Variants in AGTPBP1 observed in about 807,000 individuals in gnomAD.
The protein encoded by AGTPBP1 is cytosolic carboxypeptidase 1.
In AGTPBP1, 70 loss-of-function variants were observed where a neutral mutation model predicts 143.9. The ratio of observed to expected loss-of-function variants is 0.49; its 90% CI spans 0.40 to 0.59. The LOEUF (loss-of-function observed/expected upper bound fraction) is 0.59. AGTPBP1 is among the 20% of genes least tolerant of loss of function. AGTPBP1 has a pLI of 0.00. For missense variants in AGTPBP1, 1,229 were observed against 1,464.5 expected (o/e 0.84, Z 2.62); for synonymous variants, 463 against 500.2 (o/e 0.93, Z 0.99).
At chr9:85,679,884 G>C (rs1835062458) in intron 4 of AGTPBP1, among the ~76,000 whole-genome samples, 1 of 151,928 alleles carries the variant, frequency 6.6e-6, no homozygotes, top group African/African-American at 2.4e-5. Context: ...TTTGTTGTAA[G>C]ATTATTTTAA....
At chr9:85,779,242 GATATCTATATAA>G in the AGTPBP1 span, among the ~76,000 whole-genome samples, 1 of 117,842 alleles carries the variant, frequency 8.5e-6, no homozygotes, top group Non-Finnish European at 1.8e-5. Flanking sequence ...TATAGATATA[GATATCTATATAA>G]ATATAAATAT....
intron 1 of AGTPBP1, among the ~76,000 whole-genome samples, chr9:85,725,849 C>G (rs1219052464): frequency 6.6e-6 from 1 of 151,752 alleles, no homozygotes; most frequent in South Asian, 2.1e-4. Context: ...AGTTCGAGAC[C>G]AGCCTGGCCA....
the AGTPBP1 span, among the ~76,000 whole-genome samples, chr9:85,752,633 C>T: frequency 6.6e-6 from 1 of 152,138 alleles, no homozygotes; most frequent in Non-Finnish European, 1.5e-5. Context: ...ATGCTAATTA[C>T]CCTGGTCTGA....
At chr9:85,568,561 C>A (rs774778712) in intron 25 of AGTPBP1, among the ~76,000 whole-genome samples, 16 of 151,956 alleles carry the variant, frequency 1.1e-4, no homozygotes, top group Non-Finnish European at 5.9e-5. Context: ...CCTGGGACAC[C>A]GATAATGGTT....
At chr9:85,756,268 C>T in the AGTPBP1 span, 1 of 1,548,856 alleles carries the variant, frequency 6.5e-7, no homozygotes, top group Admixed American at 2.1e-5. Context: ...GTTTAATACA[C>T]TACTTGATTC....
At chr9:85,589,042 C>A (rs541495649) in intron 20 of AGTPBP1, among the ~76,000 whole-genome samples, 1 of 152,048 alleles carries the variant, frequency 6.6e-6, no homozygotes, top group South Asian at 2.1e-4. Flanking sequence ...AATACTTCGC[C>A]TTCTTATCAA....
At chr9:85,596,662 C>T (rs562590232) in intron 17 of AGTPBP1, among the ~76,000 whole-genome samples, 4 of 152,118 alleles carry the variant, frequency 2.6e-5, no homozygotes, top group Non-Finnish European at 5.9e-5. Context: ...TACAGGATTA[C>T]AACTTTAGAG....
the AGTPBP1 span, among the ~76,000 whole-genome samples, chr9:85,801,081 G>A: frequency 2.6e-5 from 4 of 152,128 alleles, no homozygotes; most frequent in East Asian, 5.8e-4. Context: ...GGAGGCTGAG[G>A]TGGGTGGATG....
intron 2 of AGTPBP1, among the ~76,000 whole-genome samples, chr9:85,698,945 G>A (rs922370344): frequency 1.7e-4 from 26 of 151,318 alleles, no homozygotes; most frequent in African/African-American, 5.8e-4. Flanking sequence ...CACCCGCCTC[G>A]GCCTCCCAAA....
At chr9:85,718,718 G>A (rs1837889760) in intron 1 of AGTPBP1, among the ~76,000 whole-genome samples, 3 of 152,032 alleles carry the variant, frequency 2.0e-5, no homozygotes, top group Non-Finnish European at 4.4e-5. Context: ...CATTGCTTTT[G>A]GTGTTTTAGT....
upstream of AGTPBP1, among the ~76,000 whole-genome samples, chr9:85,743,061 T>A (rs1824475728): frequency 6.6e-6 from 1 of 152,194 alleles, no homozygotes; most frequent in South Asian, 2.1e-4. Flanking sequence ...ACATCGTAGT[T>A]TCCCTCATCG....
chr9:85,633,914 G>A (rs1440234702), intron 13 of AGTPBP1, among the ~76,000 whole-genome samples: 4 of 150,888 alleles, frequency 2.7e-5, no homozygotes, highest in Admixed American at 1.3e-4. Context: ...GGGCAAGGCC[G>A]GGCACAGTGG....
Position 85,650,042 on chromosome 9 carries a change from C to CTTTTTTT in AGTPBP1, c.1088-3631_1088-3625dup, listed in dbSNP as rs35903806. On this transcript the variant is annotated intron_variant, in intron 11 of 25. Transcript: ENST00000357081. Reference sequence around the variant, plus strand: ...GCATCATGCTAGCTTCTAAACTTTCCTTTTTTTTTTTTTTTTTTTTTCTTG... The same window carrying CTTTTTTT: ...GCATCATGCTAGCTTCTAAACTTTCCTTTTTTTTTTTTTTTTTTTTTTTTTTTTCTTG... 2.5e-3 allele frequency among the ~76,000 whole-genome samples: 273 copies of CTTTTTTT among 109,148 alleles called. 2 individuals carry two copies. Among genetic ancestry groups the CTTTTTTT allele is most frequent in the East Asian group, 6.2e-3 (24 of 3,876 alleles). 71.6% of individuals were successfully genotyped at this position (109,148 alleles called of 152,430 possible).
At chr9:85,764,019 A>G in the AGTPBP1 span, among the ~76,000 whole-genome samples, 1 of 152,286 alleles carries the variant, frequency 6.6e-6, no homozygotes, top group South Asian at 2.1e-4. Flanking sequence ...AAGCCAACCA[A>G]TCGTATGTTT....
At chr9:85,753,835 C>T in the AGTPBP1 span, among the ~76,000 whole-genome samples, 1 of 152,106 alleles carries the variant, frequency 6.6e-6, no homozygotes, top group Non-Finnish European at 1.5e-5. Context: ...CTGAATAAAA[C>T]CTTCAAACAC....
chr9:85,770,446 A>G, the AGTPBP1 span: 1 of 1,591,144 alleles, frequency 6.3e-7, no homozygotes, highest in Non-Finnish European at 8.6e-7. Context: ...AGCTTGCCTG[A>G]GTCCTGTTGA....
rs201466007 is a variant in AGTPBP1 at position 85,630,391 on chromosome 9, C to CTTAT, written c.2015+2267_2015+2270dup. ...CAGGATTGACTTACTTACTTACTTA[C>CTTAT]TTATTTATTTAGTTATTTATTTATT... On this transcript the variant is annotated intron_variant, in intron 14 of 25. Transcript: ENST00000357081. Among the ~76,000 whole-genome samples the CTTAT allele has an allele frequency of 3.2e-3, 482 of 151,482 alleles. 6 individuals are homozygous for CTTAT. In the East Asian group the frequency reaches 0.036, roughly 11 times the overall value.
chr9:85,551,211 T>A (rs1224124213), intron 25 of AGTPBP1, among the ~76,000 whole-genome samples: 1 of 152,112 alleles, frequency 6.6e-6, no homozygotes, highest in Non-Finnish European at 1.5e-5. Context: ...TCTTCATAAA[T>A]TACCCGGTCT....
intron 18 of AGTPBP1, among the ~76,000 whole-genome samples, chr9:85,595,485 A>AT (rs1474771526): frequency 4.6e-5 from 7 of 152,196 alleles, no homozygotes; most frequent in African/African-American, 1.7e-4. Flanking sequence ...TAATCAAACT[A>AT]TTCCACAGAA....
Sources: gnomAD v4.1 joint callset for allele counts (sites outside exome capture counted in the v4.1 genomes callset) on GRCh38, gnomAD v4.1.1 for gene constraint, MANE v1.5 for transcripts, NCBI Gene and HGNC (gene_info 2026-07-23, HGNC 2026-07-21) for gene names.